LRRTM3: variants seen among roughly 807,000 people sequenced by gnomAD.
The protein encoded by LRRTM3 is leucine rich repeat transmembrane neuronal 3, also known as leucine-rich repeat transmembrane neuronal protein 3.
Under a neutral mutation model 44.7 loss-of-function variants are expected in LRRTM3, and 24 were observed. That is an observed-to-expected ratio of 0.54 (90% CI 0.39 to 0.76). The LOEUF (loss-of-function observed/expected upper bound fraction) is 0.76. Among genes scored for constraint, LRRTM3 ranks in the 30% least tolerant of loss-of-function variants. The pLI is 0.00. For synonymous variants in LRRTM3, 277 were observed against 278.7 expected, an observed-to-expected ratio of 0.99 and a Z score of 0.06; for missense variants, 587 against 702.2, an observed-to-expected ratio of 0.84 and a Z score of 1.85.
intron 2 of LRRTM3, among the ~76,000 whole-genome samples, chr10:66,947,376 T>C (rs1174279888): frequency 6.6e-6 from 1 of 152,182 alleles, no homozygotes; most frequent in African/African-American, 2.4e-5. Flanking sequence ...TAGAACATTA[T>C]TGAAATTACC....
intron 2 of LRRTM3, among the ~76,000 whole-genome samples, chr10:66,999,961 C>T (rs1403167224): frequency 6.6e-6 from 1 of 152,156 alleles, no homozygotes; most frequent in African/African-American, 2.4e-5. Flanking sequence ...CCAGTCACTG[C>T]TCTGTCAGCT....
In LRRTM3 at chr10:66,942,977, A is replaced by G. The variant is rs140767489; in HGVS notation, c.1536+14525A>G. On this transcript the variant is annotated intron_variant, in intron 2 of 2. Transcript: ENST00000361320. ...CTATAATGTGCAGGCACATAGGTTG[A>G]CTTTTCTTTCTTCCCAGGGCAAACA... 2.6e-4 allele frequency among the ~76,000 whole-genome samples: 40 copies of G among 152,332 alleles called. 1 individual carries two copies. The East Asian group carries it at 6.4e-3, about 24-fold the overall frequency.
intron 2 of LRRTM3, among the ~76,000 whole-genome samples, chr10:67,091,998 A>C (rs2131912538): frequency 6.6e-6 from 1 of 151,916 alleles, no homozygotes; most frequent in Non-Finnish European, 1.5e-5. Flanking sequence ...TCAACTGAAA[A>C]CCCCTTAAGT....
chr10:67,043,591 G>A (rs1854544447), intron 2 of LRRTM3, among the ~76,000 whole-genome samples: 1 of 152,078 alleles, frequency 6.6e-6, no homozygotes, highest in Admixed American at 6.6e-5. Flanking sequence ...TCATTGATGT[G>A]CTGATCGTTC....
intron 2 of LRRTM3, among the ~76,000 whole-genome samples, chr10:67,084,919 C>G (rs1222231136): frequency 6.6e-6 from 1 of 151,768 alleles, no homozygotes; most frequent in Non-Finnish European, 1.5e-5. Flanking sequence ...TTACATGAAA[C>G]TCCTTCATAT....
intron 2 of LRRTM3, among the ~76,000 whole-genome samples, chr10:66,975,375 T>A (rs1162183692): frequency 6.6e-6 from 1 of 152,236 alleles, no homozygotes; most frequent in East Asian, 1.9e-4. Context: ...TAGGTAAGGA[T>A]GTACTTGACT....
intron 2 of LRRTM3, among the ~76,000 whole-genome samples, chr10:66,967,096 T>C (rs1849464161): frequency 6.6e-6 from 1 of 152,016 alleles, no homozygotes; most frequent in African/African-American, 2.4e-5. Context: ...TAACACTCCA[T>C]TAGGAACGTT....
At chr10:66,937,870 C>G (rs1441744601) in intron 2 of LRRTM3, among the ~76,000 whole-genome samples, 2 of 152,122 alleles carry the variant, frequency 1.3e-5, no homozygotes, top group South Asian at 2.1e-4. Context: ...TCTTATTAAT[C>G]TTTTCCTTCC....
chr10:66,932,270 T>C (rs1847446518), intron 2 of LRRTM3, among the ~76,000 whole-genome samples: 1 of 152,214 alleles, frequency 6.6e-6, no homozygotes. Flanking sequence ...GGTTTTAGGA[T>C]GCTGTAGGTG....
chr10:66,930,697 C>T (rs2132637368), intron 2 of LRRTM3, among the ~76,000 whole-genome samples: 1 of 152,138 alleles, frequency 6.6e-6, no homozygotes, highest in Admixed American at 6.5e-5. Context: ...AAAAGCATTC[C>T]TAAAATTCAA....
At chr10:67,056,397 C>T (rs971250177) in intron 2 of LRRTM3, among the ~76,000 whole-genome samples, 3 of 152,094 alleles carry the variant, frequency 2.0e-5, no homozygotes, top group African/African-American at 4.8e-5. Flanking sequence ...CAGGAATGCT[C>T]GTACTACCCA....
In LRRTM3 at chr10:66,927,692, A is replaced by T. The variant is rs778785119; in HGVS notation, c.776A>T (p.Asp259Val). 6.2e-7 allele frequency: 1 copy of T among 1,614,154 alleles called. No homozygotes were observed. Among genetic ancestry groups the T allele is most frequent in the Admixed American group, 1.7e-5 (1 of 60,014 alleles). The change falls in exon 2 of 3, where the codon GAT becomes GTT. Residue 259 changes from aspartate (D) to valine (V), a missense_variant. By Grantham distance (152) the Asp-to-Val change is radical (BLOSUM62 -3). Coordinates refer to ENST00000361320, the MANE Select transcript of LRRTM3 (RefSeq NM_178011.5). This position sits in a 1 kb window ranked among gnomAD's most constrained non-coding sequence, Gnocchi z 4.7. ...SWTWSSLQRLDLSGNEIEAFS... is the reference protein window; with the variant it reads ...SWTWSSLQRLVLSGNEIEAFS... Reference sequence around the variant, plus strand: ...ACCTGGAGCTCCTTACAAAGGCTTGATTTATCAGGCAATGAGATCGAAGCT... The same window carrying T: ...ACCTGGAGCTCCTTACAAAGGCTTGTTTTATCAGGCAATGAGATCGAAGCT...
intron 2 of LRRTM3, among the ~76,000 whole-genome samples, chr10:66,963,785 C>T (rs1353849626): frequency 6.6e-6 from 1 of 151,712 alleles, no homozygotes; most frequent in Admixed American, 6.6e-5. Context: ...AGAATTTGGG[C>T]TAGAAAGTGG....
intron 2 of LRRTM3, among the ~76,000 whole-genome samples, chr10:67,060,831 T>A (rs1288602706): frequency 6.7e-6 from 1 of 148,868 alleles, no homozygotes; most frequent in African/African-American, 2.5e-5. Context: ...TGTACATATA[T>A]GACATGAAAA....
chr10:67,001,274 C>G (rs1055308040), intron 2 of LRRTM3, among the ~76,000 whole-genome samples: 1 of 145,874 alleles, frequency 6.9e-6, no homozygotes, highest in African/African-American at 2.5e-5. Context: ...GCACTCCAGC[C>G]TGACGACAGA....
chr10:67,088,647 A>C (rs566502978), intron 2 of LRRTM3, among the ~76,000 whole-genome samples: 1 of 152,178 alleles, frequency 6.6e-6, no homozygotes, highest in South Asian at 2.1e-4. Flanking sequence ...GTGACCTTTC[A>C]AATAGAACTC....
At chr10:67,031,543 A>C (rs1166862792) in intron 2 of LRRTM3, among the ~76,000 whole-genome samples, 1 of 152,204 alleles carries the variant, frequency 6.6e-6, no homozygotes, top group Admixed American at 6.5e-5. Context: ...TCACTAAAAG[A>C]CTGACAGGGA....
chr10:67,025,929 TA>T (rs1422520940), intron 2 of LRRTM3, among the ~76,000 whole-genome samples: 1 of 148,330 alleles, frequency 6.7e-6, no homozygotes, highest in East Asian at 1.9e-4. Flanking sequence ...TATGCAGCCA[TA>T]AAAAATGATG....
At chr10:67,081,659 A>G (rs561158725) in intron 2 of LRRTM3, among the ~76,000 whole-genome samples, 2 of 152,152 alleles carry the variant, frequency 1.3e-5, no homozygotes, top group African/African-American at 4.8e-5. Context: ...CTCCATATAC[A>G]TTCTTTGCTC....
Sources: allele counts gnomAD v4.1 joint callset (sites outside exome capture counted in the v4.1 genomes callset), GRCh38; gene constraint gnomAD v4.1.1; non-coding constraint Gnocchi (gnomAD v3.1); transcripts MANE v1.5; gene names NCBI Gene and HGNC (gene_info 2026-07-23, HGNC 2026-07-21).